The following SLC13A1 variants were observed in gnomAD, a reference collection of about 807,000 sequenced individuals.
SLC13A1 encodes the protein solute carrier family 13 member 1.
In SLC13A1, 65 loss-of-function variants were observed where a neutral mutation model predicts 70.0. The ratio of observed to expected loss-of-function variants is 0.93; its 90% CI spans 0.76 to 1.14. The LOEUF (loss-of-function observed/expected upper bound fraction) is 1.14. SLC13A1 is among the 50% of genes most tolerant of loss of function. SLC13A1 has a pLI of 0.00. For missense variants in SLC13A1, 726 were observed against 717.8 expected, an observed-to-expected ratio of 1.01 and a Z score of -0.13; for synonymous variants, 275 against 250.5, an observed-to-expected ratio of 1.10 and a Z score of -0.92.
At chr7:123,137,346 T>G (rs1793986611) in intron 7 of SLC13A1, among the ~76,000 whole-genome samples, 1 of 152,084 alleles carries the variant, frequency 6.6e-6, no homozygotes, top group Non-Finnish European at 1.5e-5. Context: ...GGTTGCGTAG[T>G]GAAAAAAGTG....
At chr7:123,147,411 C>A in intron 6 of SLC13A1, 101 bp from the exon 7 acceptor site, 2 of 1,336,076 alleles carry the variant, frequency 1.5e-6, no homozygotes, top group Non-Finnish European at 2.0e-6. Context: ...ATGTTGAAAC[C>A]CTAACTCCTG....
At chr7:123,150,214 G>C (rs1794508184) in intron 6 of SLC13A1, among the ~76,000 whole-genome samples, 1 of 151,996 alleles carries the variant, frequency 6.6e-6, no homozygotes, top group Non-Finnish European at 1.5e-5. Context: ...CCCTCTTAAT[G>C]GTCCTTCTCA....
At chr7:123,119,774 C>T (rs186488711) in intron 12 of SLC13A1, among the ~76,000 whole-genome samples, 1 of 130,516 alleles carries the variant, frequency 7.7e-6, no homozygotes, top group Admixed American at 8.2e-5. Context: ...TCTCTTACAC[C>T]ATCTACCAAA....
chr7:123,151,386 G>GTGTGTGTGTA (rs142703205), intron 6 of SLC13A1, among the ~76,000 whole-genome samples: 6,084 of 145,740 alleles, frequency 0.042, 175 homozygotes, highest in Non-Finnish European at 0.056. Context: ...GTGTGTGTGT[G>GTGTGTGTGTA]TATATATATA....
chr7:123,160,388 C>A (rs137907760), intron 6 of SLC13A1, among the ~76,000 whole-genome samples: 1 of 151,718 alleles, frequency 6.6e-6, no homozygotes, highest in African/African-American at 2.4e-5. Context: ...GTTAATCAAT[C>A]ACACACACAG....
chr7:123,115,576 A>C lies in SLC13A1; in HGVS notation c.1730T>G (p.Phe577Cys), dbSNP rs754258665. ...LGICTWIVPMFDLYTYPSWAP... is the reference protein window; with the variant it reads ...LGICTWIVPMCDLYTYPSWAP... ...CCACGAAGGGTAAGTGTAGAGGTCA[A>C]ACATGGGTACAATCCAAGTACATAT... Residue 577 changes from phenylalanine (F) to cysteine (C), a missense_variant, in exon 15 of 15, where the codon TTT becomes TGT. Physicochemically the swap from Phe to Cys is radical, Grantham distance 205. Coordinates refer to ENST00000194130, the MANE Select transcript of SLC13A1 (RefSeq NM_022444.4). The C allele has an allele frequency of 6.2e-7, 1 of 1,613,938 alleles. No homozygotes were observed. The highest frequency in any genetic ancestry group is 8.5e-7 in the Non-Finnish European group (1 of 1,179,854).
chr7:123,159,301 C>T (rs760768755), intron 6 of SLC13A1, among the ~76,000 whole-genome samples: 14 of 152,118 alleles, frequency 9.2e-5, no homozygotes, highest in Non-Finnish European at 1.5e-4. Context: ...AGGGCCTTTA[C>T]AGAGGTAATT....
chr7:123,134,266 G>A (rs552067619), intron 8 of SLC13A1, 144 bp downstream of exon 8: 7 of 604,674 alleles, frequency 1.2e-5, no homozygotes, highest in East Asian at 3.1e-5. Context: ...CTTAAAATAC[G>A]TATTTGTGTG....
intron 11 of SLC13A1, among the ~76,000 whole-genome samples, chr7:123,125,316 G>A (rs1043553213): frequency 1.3e-5 from 2 of 152,056 alleles, no homozygotes; most frequent in African/African-American, 2.4e-5. Flanking sequence ...AAATAGTATC[G>A]CTTGTAGCAG....
intron 1 of SLC13A1, among the ~76,000 whole-genome samples, chr7:123,188,838 G>A (rs977535681): frequency 1.3e-5 from 2 of 151,918 alleles, no homozygotes; most frequent in Non-Finnish European, 2.9e-5. Flanking sequence ...TCTTTCGGCC[G>A]GGTGCGGTGG....
At position 123,199,938 on chromosome 7, in the gene SLC13A1, G is replaced by T. The variant is rs761472523; in HGVS notation, c.9C>A (p.Phe3Leu). Residue 3 changes from phenylalanine (F) to leucine (L), a missense_variant, in exon 1 of 15, where the codon TTC becomes TTA. Transcript: ENST00000194130. MK[F>L]FSYILVYRRF... ...GGCGATAAACCAGAATGTAACTGAA[G>T]AATTTCATTGTCCTGAGCAGGTGGC... is the stretch of plus-strand genomic sequence containing the variant. 7 of 1,611,872 alleles carry T rather than the reference G, an allele frequency of 4.3e-6. No homozygotes were observed. The East Asian group carries it at 8.9e-5, about 21-fold the overall frequency.
At chr7:123,184,651 T>C (rs1795741845) in intron 1 of SLC13A1, among the ~76,000 whole-genome samples, 1 of 151,838 alleles carries the variant, frequency 6.6e-6, no homozygotes, top group Non-Finnish European at 1.5e-5. Context: ...ATGTGTGTGT[T>C]TGTGTGCAAG....
At chr7:123,138,507 G>A (rs898504618) in intron 7 of SLC13A1, among the ~76,000 whole-genome samples, 1 of 152,076 alleles carries the variant, frequency 6.6e-6, no homozygotes, top group African/African-American at 2.4e-5. Flanking sequence ...TCTCTATAGT[G>A]GTTGTACTAA....
chr7:123,178,596 T>G (rs531896396), intron 2 of SLC13A1, among the ~76,000 whole-genome samples: 10 of 152,140 alleles, frequency 6.6e-5, no homozygotes, highest in Non-Finnish European at 1.2e-4. Context: ...TCATAATCAG[T>G]GATAAATATC....
At chr7:123,133,928 C>G (rs898335312) in intron 8 of SLC13A1, among the ~76,000 whole-genome samples, 5 of 152,098 alleles carry the variant, frequency 3.3e-5, no homozygotes, top group African/African-American at 9.7e-5. Flanking sequence ...ACCTCCACCC[C>G]GCAAGCTCAA....
At chr7:123,120,928 T>C (rs955304383) in intron 12 of SLC13A1, among the ~76,000 whole-genome samples, 1 of 152,090 alleles carries the variant, frequency 6.6e-6, no homozygotes. Flanking sequence ...TCCAAAATTC[T>C]ACATAAAGTG....
intron 13 of SLC13A1, among the ~76,000 whole-genome samples, chr7:123,118,023 T>A (rs1294145781): frequency 1.3e-5 from 2 of 151,786 alleles, no homozygotes; most frequent in Non-Finnish European, 2.9e-5. Flanking sequence ...TTTACAATGA[T>A]CTTATGAGAT....
intron 6 of SLC13A1, among the ~76,000 whole-genome samples, chr7:123,153,213 A>G (rs1040106727): frequency 3.7e-4 from 56 of 152,256 alleles, no homozygotes; most frequent in African/African-American, 1.2e-3. Flanking sequence ...TTTATGCCTT[A>G]TGAATTAACC....
chr7:123,121,818 T>C (rs17145351), intron 12 of SLC13A1, among the ~76,000 whole-genome samples: 153 of 152,230 alleles, frequency 1.0e-3, no homozygotes, highest in African/African-American at 3.6e-3. Flanking sequence ...AGACTACAAT[T>C]TGAAAGAAAA....
Sources: gnomAD v4.1 joint callset for allele counts (sites outside exome capture counted in the v4.1 genomes callset) on GRCh38, gnomAD v4.1.1 for gene constraint, MANE v1.5 for transcripts, NCBI Gene and HGNC (gene_info 2026-07-23, HGNC 2026-07-21) for gene names.